Variants in VKORC1L1 observed in about 807,000 individuals in gnomAD.
The protein encoded by VKORC1L1 is vitamin K epoxide reductase complex subunit 1L1.
Under a neutral mutation model 18.9 loss-of-function variants are expected in VKORC1L1, and 2 were observed. That is an observed-to-expected ratio of 0.11 (90% CI 0.04 to 0.33). The LOEUF (loss-of-function observed/expected upper bound fraction) is 0.33. Among genes scored for constraint, VKORC1L1 ranks in the 10% least tolerant of loss-of-function variants. The pLI is 1.00. For missense variants in VKORC1L1, 123 were observed against 224.1 expected (o/e 0.55, Z 2.88); for synonymous variants, 96 against 100.0 (o/e 0.96, Z 0.24).
chr7:65,909,690 T>TGTGTGTGTGTGTGTGTGTGTGTG (rs1789468369), intron 1 of VKORC1L1, among the ~76,000 whole-genome samples: 3 of 123,758 alleles, frequency 2.4e-5, no homozygotes, highest in African/African-American at 9.5e-5. Context: ...GTTTTAGCCT[T>TGTGTGTGTGTGTGTGTGTGTGTG]TGTGTGTGTG....
At chr7:65,919,764 A>G (rs1789645471) in intron 1 of VKORC1L1, among the ~76,000 whole-genome samples, 1 of 152,136 alleles carries the variant, frequency 6.6e-6, no homozygotes, top group African/African-American at 2.4e-5. Flanking sequence ...TTAAAAATAT[A>G]AACAGTGGCC....
intron 1 of VKORC1L1, among the ~76,000 whole-genome samples, chr7:65,895,516 T>TATACAC (rs370356956): frequency 6.7e-4 from 48 of 71,538 alleles, no homozygotes; most frequent in South Asian, 2.4e-3. Flanking sequence ...TATATATATA[T>TATACAC]ACACACACAC....
chr7:65,941,960 C>G (rs955460233), intron 1 of VKORC1L1, among the ~76,000 whole-genome samples: 1 of 152,074 alleles, frequency 6.6e-6, no homozygotes, highest in South Asian at 2.1e-4. Flanking sequence ...TGCGCCTAGC[C>G]GTATTGCTGT....
At chr7:65,912,586 G>T (rs949642441) in intron 1 of VKORC1L1, among the ~76,000 whole-genome samples, 38 of 152,172 alleles carry the variant, frequency 2.5e-4, no homozygotes, top group South Asian at 6.2e-4. Context: ...CTGACTGAGG[G>T]CTCCAAGGAA....
At chr7:65,945,415 T>C (rs560857967) in intron 1 of VKORC1L1, among the ~76,000 whole-genome samples, 2 of 151,588 alleles carry the variant, frequency 1.3e-5, no homozygotes, top group South Asian at 2.1e-4. Flanking sequence ...ATCGAGACCA[T>C]CTTGGCTAAC....
At chr7:65,927,296 GAAAAA>G (rs5884578) in intron 1 of VKORC1L1, among the ~76,000 whole-genome samples, 4 of 147,038 alleles carry the variant, frequency 2.7e-5, no homozygotes, top group African/African-American at 1.0e-4. Context: ...TCAAAAAAAG[GAAAAA>G]AAAAAATCAT....
intron 1 of VKORC1L1, among the ~76,000 whole-genome samples, chr7:65,905,143 C>G (rs754674903): frequency 6.6e-6 from 1 of 151,892 alleles, no homozygotes; most frequent in Non-Finnish European, 1.5e-5. Flanking sequence ...TGGAATCATG[C>G]TTTTTGTTTC....
chr7:65,879,396 T>C (rs1209840574), intron 1 of VKORC1L1, among the ~76,000 whole-genome samples: 1 of 152,202 alleles, frequency 6.6e-6, no homozygotes, highest in Non-Finnish European at 1.5e-5. Context: ...GAAGTGAATC[T>C]GGACTGTAGT....
At chr7:65,886,838 A>AG (rs1562983299) in intron 1 of VKORC1L1, among the ~76,000 whole-genome samples, 5 of 45,504 alleles carry the variant, frequency 1.1e-4, no homozygotes, top group South Asian at 8.4e-4. Context: ...CGCCTGTCCG[A>AG]GTTTTTTTTT....
intron 1 of VKORC1L1, among the ~76,000 whole-genome samples, chr7:65,902,398 G>A (rs2116395333): frequency 6.6e-6 from 1 of 152,258 alleles, no homozygotes; most frequent in Admixed American, 6.5e-5. Context: ...CAGAAGTTGA[G>A]GCACTGCAGA....
At chr7:65,921,926 A>T (rs1341218424) in intron 1 of VKORC1L1, among the ~76,000 whole-genome samples, 2 of 151,714 alleles carry the variant, frequency 1.3e-5, no homozygotes. Flanking sequence ...GGCCTCGGGG[A>T]TTCTTCAACC....
In VKORC1L1 at chr7:65,873,156, C is replaced by G. The variant is rs1215356371; in HGVS notation, c.-216C>G. On this transcript the variant is annotated 5_prime_UTR_variant, in exon 1 of 3. Coordinates refer to ENST00000360768, the MANE Select transcript of VKORC1L1 (RefSeq NM_173517.6). ...GCGCCCGCGCGCGCCTTCCCCGCCC[C>G]GTCCGCCTCACTCCTTTTGGGGCGG... The G allele has an allele frequency of 6.3e-6, 3 of 475,536 alleles. No homozygotes were observed. Among genetic ancestry groups the G allele is most frequent in the Non-Finnish European group, 8.2e-6 (3 of 364,472 alleles). The allele number at this position is 475,536 out of a possible 1,614,324, so 29.5% of individuals were successfully genotyped here.
At chr7:65,915,712 G>A (rs914851970) in intron 1 of VKORC1L1, among the ~76,000 whole-genome samples, 3 of 151,838 alleles carry the variant, frequency 2.0e-5, no homozygotes, top group Admixed American at 1.3e-4. Flanking sequence ...ATGATTGGGG[G>A]TGAGGCTATT....
intron 1 of VKORC1L1, among the ~76,000 whole-genome samples, chr7:65,900,679 C>T (rs1245156101): frequency 6.6e-6 from 1 of 152,048 alleles, no homozygotes. Flanking sequence ...GTGGCACATG[C>T]CTGTAGTCCC....
chr7:65,880,465 G>GT lies in VKORC1L1; in HGVS notation c.194+6902dup, dbSNP rs1257152327. ...GTGAGCTGTCCGGAAGACTTAGCAG[G>GT]TTAGCCTAGGGAGGAAGGAGAAAGG... On this transcript the variant is annotated intron_variant, in intron 1 of 2. Coordinates refer to ENST00000360768, the MANE Select transcript of VKORC1L1 (RefSeq NM_173517.6). Among the ~76,000 whole-genome samples the GT allele has an allele frequency of 8.5e-5, 13 of 152,166 alleles. No homozygotes were observed. The East Asian group carries it at 2.3e-3, about 27-fold the overall frequency.
At chr7:65,898,082 T>TTG (rs1789246570) in intron 1 of VKORC1L1, among the ~76,000 whole-genome samples, 1 of 100,622 alleles carries the variant, frequency 9.9e-6, no homozygotes, top group South Asian at 4.3e-4. Context: ...AGCAGGTTTT[T>TTG]TTTTTTTTTT....
At chr7:65,889,847 A>G (rs1394920688) in intron 1 of VKORC1L1, among the ~76,000 whole-genome samples, 1 of 152,176 alleles carries the variant, frequency 6.6e-6, no homozygotes, top group African/African-American at 2.4e-5. Flanking sequence ...ACTCAGTGTC[A>G]TTTTGTGAGA....
At chr7:65,936,020 A>G (rs1268167781) in intron 1 of VKORC1L1, among the ~76,000 whole-genome samples, 3 of 151,250 alleles carry the variant, frequency 2.0e-5, no homozygotes, top group Non-Finnish European at 1.5e-5. Context: ...AAATTGGATA[A>G]TTTCTGTTAA....
intron 1 of VKORC1L1, among the ~76,000 whole-genome samples, chr7:65,886,458 A>G (rs939965106): frequency 6.6e-6 from 1 of 152,166 alleles, no homozygotes; most frequent in Non-Finnish European, 1.5e-5. Context: ...GTAATACGCA[A>G]TTGTTGTGAA....
Sources: gnomAD v4.1 joint callset for allele counts (sites outside exome capture counted in the v4.1 genomes callset) on GRCh38, gnomAD v4.1.1 for gene constraint, MANE v1.5 for transcripts, NCBI Gene and HGNC (gene_info 2026-07-23, HGNC 2026-07-21) for gene names.